NFIB: variants seen among roughly 807,000 people sequenced by gnomAD.
NFIB encodes the protein nuclear factor I B, also known as nuclear factor 1 B-type.
Under a neutral mutation model 61.5 loss-of-function variants are expected in NFIB, and 11 were observed. That is an observed-to-expected ratio of 0.18 (90% confidence interval 0.11 to 0.30). The LOEUF (loss-of-function observed/expected upper bound fraction) is 0.30, where lower values mean the gene tolerates loss of function less well. Among genes scored for constraint, NFIB ranks in the 10% least tolerant of loss-of-function variants. The probability of loss-of-function intolerance (pLI) is 1.00; values close to 1 mark genes in which losing one functional copy is unlikely to be tolerated. For missense variants in NFIB, 471 were observed against 608.9 expected, an observed-to-expected ratio of 0.77 and a Z score of 2.38; for synonymous variants, 260 against 216.5, an observed-to-expected ratio of 1.20 and a Z score of -1.76.
At chr9:14,158,883 G>A (rs897188021) in intron 3 of NFIB, among the ~76,000 whole-genome samples, 5 of 152,206 alleles carry the variant, frequency 3.3e-5, no homozygotes, top group Non-Finnish European at 5.9e-5. Flanking sequence ...TGTTTAAATA[G>A]TAAGAGCCCA....
At chr9:14,125,834 T>G (rs1240065728) in intron 6 of NFIB, 68 bp from the exon 7 acceptor site, 3 of 1,565,178 alleles carry the variant, frequency 1.9e-6, no homozygotes, top group Non-Finnish European at 1.7e-6. Flanking sequence ...TGTCAACAAA[T>G]GACAGATCTC....
chr9:14,164,004 GAAGA>G (rs934935308), intron 3 of NFIB, among the ~76,000 whole-genome samples: 1 of 150,914 alleles, frequency 6.6e-6, no homozygotes, highest in African/African-American at 2.4e-5. Flanking sequence ...AAAAGAAAAA[GAAGA>G]AAGAAAGAAA....
At chr9:14,270,322 T>A (rs1371169083) in intron 2 of NFIB, among the ~76,000 whole-genome samples, 1 of 152,144 alleles carries the variant, frequency 6.6e-6, no homozygotes, top group African/African-American at 2.4e-5. Context: ...CTGGAAGCTT[T>A]TATACTGCTT....
At chr9:14,212,009 G>A (rs1170731290) in intron 2 of NFIB, among the ~76,000 whole-genome samples, 3 of 152,160 alleles carry the variant, frequency 2.0e-5, no homozygotes, top group Non-Finnish European at 4.4e-5. Flanking sequence ...ATATGAAATG[G>A]AATATGGCCT....
chr9:14,459,304 G>C, the NFIB span, among the ~76,000 whole-genome samples: 2 of 152,180 alleles, frequency 1.3e-5, no homozygotes, highest in Admixed American at 1.3e-4. Context: ...TGGGAAAACT[G>C]GCTAGCCATA....
chr9:14,422,438 G>C, the NFIB span, among the ~76,000 whole-genome samples: 1 of 152,148 alleles, frequency 6.6e-6, no homozygotes, highest in Non-Finnish European at 1.5e-5. Flanking sequence ...GTATTCTTAT[G>C]GAGTCAGGAA....
chr9:14,406,748 A>G, the NFIB span, among the ~76,000 whole-genome samples: 1 of 152,164 alleles, frequency 6.6e-6, no homozygotes, highest in Admixed American at 6.6e-5. Flanking sequence ...GTGCACATGG[A>G]CTGTGTCTCC....
intron 1 of NFIB, chr9:14,362,901 C>T (rs2061256564): frequency 6.6e-6 from 1 of 151,922 alleles, no homozygotes; most frequent in Non-Finnish European, 1.5e-5. Context: ...GTTTCCAAAA[C>T]ACAAAAACAA....
the NFIB span, among the ~76,000 whole-genome samples, chr9:14,477,626 T>G: frequency 6.6e-6 from 1 of 152,214 alleles, no homozygotes; most frequent in African/African-American, 2.4e-5. Flanking sequence ...TGGTAATGCA[T>G]GAGTTGGGCT....
intron 4 of NFIB, among the ~76,000 whole-genome samples, chr9:14,150,872 AC>A (rs767066220): frequency 6.6e-6 from 1 of 152,052 alleles, no homozygotes; most frequent in African/African-American, 2.4e-5. Context: ...GGTGATGGAT[AC>A]CCCATTTACC....
At chr9:14,104,302 A>G (rs903325675) in intron 10 of NFIB, among the ~76,000 whole-genome samples, 29 of 152,192 alleles carry the variant, frequency 1.9e-4, no homozygotes, top group African/African-American at 6.8e-4. Flanking sequence ...CATACTTTCA[A>G]TATTTCAAAG....
At chr9:14,358,158 TAA>T (rs1022160706) in intron 1 of NFIB, among the ~76,000 whole-genome samples, 4 of 151,334 alleles carry the variant, frequency 2.6e-5, no homozygotes, top group African/African-American at 9.7e-5. Context: ...GAATTAGACA[TAA>T]GTTTATTTAC....
chr9:14,464,539 A>C, the NFIB span, among the ~76,000 whole-genome samples: 6 of 152,212 alleles, frequency 3.9e-5, no homozygotes, highest in Admixed American at 3.9e-4. Flanking sequence ...GGTGTTTCTC[A>C]TGAGAAAACA....
the NFIB span, among the ~76,000 whole-genome samples, chr9:14,512,419 G>A: frequency 9.2e-5 from 14 of 151,956 alleles, no homozygotes; most frequent in Non-Finnish European, 1.6e-4. Context: ...ATTTTTGCCT[G>A]TTTCTTTGAG....
intron 1 of NFIB, among the ~76,000 whole-genome samples, chr9:14,351,950 G>A (rs1333188499): frequency 6.6e-6 from 1 of 152,168 alleles, no homozygotes; most frequent in Non-Finnish European, 1.5e-5. Flanking sequence ...AGCAGAGTGT[G>A]CCACAGACCC....
rs1487238766 is a variant in NFIB, at chr9:14,082,363, AAC to A, written c.*5944_*5945del. 4.9e-6 allele frequency: 1 copy of A among 204,828 alleles called. No homozygotes were observed. The highest frequency in any genetic ancestry group is 1.0e-5 in the Non-Finnish European group (1 of 99,768). 12.7% of individuals were successfully genotyped at this position (204,828 alleles called of 1,614,324 possible). A position where few individuals can be genotyped will look rare whatever the true frequency, so the allele number is the denominator to read the frequency against. ...CAGTTGTACTAAATGTATCTAAAGA[AAC>A]ACACAGTCCTACAAAAGTTGTTCTC... is the stretch of plus-strand genomic sequence containing the variant. On this transcript the variant is annotated 3_prime_UTR_variant, in exon 11 of 11. Transcript: ENST00000380953.
the NFIB span, among the ~76,000 whole-genome samples, chr9:14,472,912 T>C: frequency 6.6e-6 from 1 of 152,068 alleles, no homozygotes; most frequent in East Asian, 1.9e-4. Flanking sequence ...CCAAAGCTGG[T>C]TTTTCACCAC....
At chr9:14,337,112 G>T (rs2060894706) in intron 1 of NFIB, among the ~76,000 whole-genome samples, 1 of 152,222 alleles carries the variant, frequency 6.6e-6, no homozygotes, top group South Asian at 2.1e-4. Flanking sequence ...GCAGTTAACA[G>T]GTTCTATTTG....
At chr9:14,427,940 T>TTTTG in the NFIB span, among the ~76,000 whole-genome samples, 1 of 74,386 alleles carries the variant, frequency 1.3e-5, no homozygotes, top group East Asian at 4.0e-4. Context: ...TTCAGTTGTT[T>TTTTG]TTTTTTTTTT....
Sources: allele counts gnomAD v4.1 joint callset (sites outside exome capture counted in the v4.1 genomes callset), GRCh38; gene constraint gnomAD v4.1.1; transcripts MANE v1.5; gene names NCBI Gene and HGNC (gene_info 2026-07-23, HGNC 2026-07-21).